The following C14orf132 variants were observed in gnomAD, a reference collection of about 807,000 sequenced individuals.
The protein encoded by C14orf132 is chromosome 14 open reading frame 132.
Under a neutral mutation model 5.8 loss-of-function variants are expected in C14orf132, and 6 were observed. The ratio of observed to expected loss-of-function variants is 1.03; its 90% confidence interval spans 0.57 to 2.04. The LOEUF (loss-of-function observed/expected upper bound fraction) is 2.04, where lower values mean the gene tolerates loss of function less well. Among genes scored for constraint, C14orf132 ranks in the 30% most tolerant of loss-of-function variants. The pLI, the probability that C14orf132 is intolerant of heterozygous loss-of-function variation, is 0.00. For synonymous variants in C14orf132, 51 were observed against 49.8 expected (o/e 1.02, Z -0.10); for missense variants, 125 against 115.8 (o/e 1.08, Z -0.37).
chr14:96,056,212 C>G (rs1887178432), intron 1 of C14orf132, among the ~76,000 whole-genome samples: 1 of 152,220 alleles, frequency 6.6e-6, no homozygotes, highest in South Asian at 2.1e-4. Flanking sequence ...GCAGCTCACT[C>G]AGCATGCTGG....
intron 1 of C14orf132, among the ~76,000 whole-genome samples, chr14:96,082,776 G>A (rs1043246290): frequency 1.2e-4 from 18 of 152,240 alleles, no homozygotes; most frequent in African/African-American, 4.1e-4. Context: ...GGACGACAGA[G>A]GGAAGGAATA....
chr14:96,056,218 G>A (rs1424063676), intron 1 of C14orf132, among the ~76,000 whole-genome samples: 1 of 152,208 alleles, frequency 6.6e-6, no homozygotes, highest in Non-Finnish European at 1.5e-5. Flanking sequence ...CACTCAGCAT[G>A]CTGGTGGCAT....
chr14:96,059,911 C>G (rs763776662), intron 1 of C14orf132, among the ~76,000 whole-genome samples: 2 of 152,178 alleles, frequency 1.3e-5, no homozygotes, highest in Non-Finnish European at 2.9e-5. Flanking sequence ...ATGAGCAGAC[C>G]CCATCTCTAG....
intron 1 of C14orf132, among the ~76,000 whole-genome samples, chr14:96,054,501 G>A (rs1887122159): frequency 1.3e-5 from 2 of 152,198 alleles, no homozygotes; most frequent in Non-Finnish European, 2.9e-5. Context: ...GGAACAAGAT[G>A]CTTAATTTCT....
At chr14:96,074,216 G>A (rs1887792236) in intron 1 of C14orf132, among the ~76,000 whole-genome samples, 1 of 152,116 alleles carries the variant, frequency 6.6e-6, no homozygotes, top group Admixed American at 6.5e-5. Flanking sequence ...AAAGTGGGTT[G>A]TTTTCTTATT....
rs1283649697 is a variant in C14orf132, at chr14:96,087,478, T to C, written c.*743T>C. 6.6e-6 allele frequency: 1 copy of C among 152,148 alleles called. No homozygotes were observed. The highest frequency in any genetic ancestry group is 1.5e-5 in the Non-Finnish European group (1 of 68,022). 9.4% of individuals were successfully genotyped at this position (152,148 alleles called of 1,614,324 possible). On this transcript the variant is annotated 3_prime_UTR_variant, in exon 2 of 2. Coordinates refer to ENST00000555004, the MANE Select transcript of C14orf132 (RefSeq NM_001252507.3). ...CTTCAGGCCACCCACGTGAGAATGC[T>C]GTTTCTTCTCTGAGGAATCGTGGAA...
In C14orf132 at chr14:96,090,801, C is replaced by T. The variant is rs1294273304; in HGVS notation, c.*4066C>T. 9 of 455,970 alleles carry T rather than the reference C, an allele frequency of 2.0e-5. No homozygotes were observed. The highest frequency in any genetic ancestry group is 6.2e-5 in the South Asian group (4 of 64,568). The allele number at this position is 455,970 out of a possible 1,614,324, so 28.2% of individuals were successfully genotyped here. A position where few individuals can be genotyped will look rare whatever the true frequency, so the allele number is the denominator to read the frequency against. On this transcript the variant is annotated 3_prime_UTR_variant, in exon 2 of 2. Transcript: ENST00000555004. ...TTGGAGGCTGGCCAGACCACTCTGG[C>T]GTCTCCTGAAGTGGGTCCCTGGAGA...
intron 1 of C14orf132, among the ~76,000 whole-genome samples, chr14:96,045,269 G>A (rs1033688089): frequency 6.6e-6 from 1 of 152,232 alleles, no homozygotes; most frequent in African/African-American, 2.4e-5. Context: ...GATCAGGCAA[G>A]CCTTCAGGGG....
At position 96,049,650 on chromosome 14, in the gene C14orf132, A is replaced by ACG. The variant is rs1411659430; in HGVS notation, c.27+10123_27+10124insCG. Among the ~76,000 whole-genome samples the ACG allele has an allele frequency of 6.0e-5, 5 of 83,156 alleles. 1 individual carries two copies. The Admixed American group carries it at 6.8e-4, about 11-fold the overall frequency. 54.6% of individuals were successfully genotyped at this position (83,156 alleles called of 152,430 possible). ...TATATACATATATACGTATATATAT[A>ACG]TATAGAGAGAGAGAGAGAGAGAGTT... On this transcript the variant is annotated intron_variant, in intron 1 of 1. Coordinates refer to ENST00000555004, the MANE Select transcript of C14orf132 (RefSeq NM_001252507.3).
chr14:96,086,234 T>C (rs1490888809), intron 1 of C14orf132, among the ~76,000 whole-genome samples: 1 of 152,164 alleles, frequency 6.6e-6, no homozygotes, highest in Non-Finnish European at 1.5e-5. Context: ...GGGGTTGCTG[T>C]GAGTCCTGGT....
intron 1 of C14orf132, among the ~76,000 whole-genome samples, chr14:96,080,404 G>A (rs1224605478): frequency 2.0e-5 from 3 of 152,164 alleles, no homozygotes; most frequent in East Asian, 1.9e-4. Context: ...GCTGCAGAAC[G>A]GGCTCAGCCA....
Position 96,086,562 on chromosome 14 carries a change from AC to A in C14orf132, c.81del (p.Glu28SerfsTer39). On this transcript the variant is annotated frameshift_variant, in exon 2 of 2. Coordinates refer to ENST00000555004, the MANE Select transcript of C14orf132 (RefSeq NM_001252507.3). LOFTEE classifies it high-confidence loss of function. ...FMDSPNEDFS[T>X]EYSLFNSSAN... ...GGACTCGCCCAACGAGGACTTCAGC[AC>A]CGAGTACTCCCTGTTTAACTCCTCT... 6.5e-7 allele frequency: 1 copy of A among 1,536,092 alleles called. No homozygotes were observed. Among genetic ancestry groups the A allele is most frequent in the Non-Finnish European group, 8.7e-7 (1 of 1,146,898 alleles).
At chr14:96,066,669 T>C (rs1188572407) in intron 1 of C14orf132, among the ~76,000 whole-genome samples, 2 of 152,168 alleles carry the variant, frequency 1.3e-5, no homozygotes, top group African/African-American at 4.8e-5. Flanking sequence ...ACTCAACCCG[T>C]ATCCTACAAG....
intron 1 of C14orf132, among the ~76,000 whole-genome samples, chr14:96,064,050 C>T (rs1887444659): frequency 6.6e-6 from 1 of 151,912 alleles, no homozygotes; most frequent in African/African-American, 2.4e-5. Context: ...CAAGAATGGC[C>T]ATAATCAAAA....
intron 1 of C14orf132, among the ~76,000 whole-genome samples, chr14:96,065,818 C>G (rs1887514050): frequency 6.6e-6 from 1 of 152,302 alleles, no homozygotes; most frequent in Non-Finnish European, 1.5e-5. Context: ...CTGACCCACA[C>G]AGGGGACGCC....
intron 1 of C14orf132, chr14:96,051,246 T>C (rs8011130): frequency 0.056 from 22,295 of 398,588 alleles, 816 homozygotes; most frequent in East Asian, 0.13. Context: ...GGATGTTCCA[T>C]GAGACATTGA....
chr14:96,049,499 T>TATATATAC (rs1886937435), intron 1 of C14orf132, among the ~76,000 whole-genome samples: 1 of 145,464 alleles, frequency 6.9e-6, no homozygotes, highest in African/African-American at 2.5e-5. Flanking sequence ...TATATATACG[T>TATATATAC]ATATATACGT....
intron 1 of C14orf132, among the ~76,000 whole-genome samples, chr14:96,085,203 C>G (rs1008431663): frequency 7.2e-5 from 11 of 152,356 alleles, no homozygotes; most frequent in African/African-American, 2.6e-4. Flanking sequence ...GTCTCTAGCA[C>G]AGCCCCTGAC....
At chr14:96,041,120 T>C (rs907320024) in intron 1 of C14orf132, among the ~76,000 whole-genome samples, 2 of 152,200 alleles carry the variant, frequency 1.3e-5, no homozygotes, top group African/African-American at 4.8e-5. Context: ...ACTCGGTCAA[T>C]GTATTCTCCT....
Sources: allele counts gnomAD v4.1 joint callset (sites outside exome capture counted in the v4.1 genomes callset), GRCh38; gene constraint gnomAD v4.1.1; transcripts MANE v1.5; gene names NCBI Gene and HGNC (gene_info 2026-07-23, HGNC 2026-07-21).